Variants in ACOT12 observed in about 807,000 individuals in gnomAD.
ACOT12 encodes the protein acetyl-coenzyme A thioesterase.
Under a neutral mutation model 67.7 loss-of-function variants are expected in ACOT12, and 51 were observed. The ratio of observed to expected loss-of-function variants is 0.75; its 90% CI spans 0.60 to 0.95. The LOEUF is 0.95. Ranked by LOEUF, ACOT12 falls within the 40% of genes least tolerant of loss-of-function variation. The pLI is 0.00. For missense variants in ACOT12, 734 were observed against 708.1 expected, an observed-to-expected ratio of 1.04 and a Z score of -0.41; for synonymous variants, 251 against 244.6, an observed-to-expected ratio of 1.03 and a Z score of -0.24.
At chr5:81,385,622 T>C in intron 2 of ACOT12, 135 bp downstream of exon 2, 1 of 745,652 alleles carries the variant, frequency 1.3e-6, no homozygotes, top group Middle Eastern at 2.4e-4. Context: ...CTTACCTAAA[T>C]TGGGTCACAT....
intron 3 of ACOT12, among the ~76,000 whole-genome samples, chr5:81,364,104 C>T (rs1760001557): frequency 6.6e-6 from 1 of 151,892 alleles, no homozygotes; most frequent in Non-Finnish European, 1.5e-5. Flanking sequence ...TTTACCATGT[C>T]AAATTTATGG....
intron 10 of ACOT12, among the ~76,000 whole-genome samples, chr5:81,343,090 A>G (rs1190930053): frequency 2.0e-5 from 3 of 152,202 alleles, no homozygotes; most frequent in African/African-American, 2.4e-5. Context: ...CTGAGGCAGA[A>G]GAATCGCTTG....
chr5:81,381,000 GGTAA>G (rs1445698366), intron 2 of ACOT12, among the ~76,000 whole-genome samples: 6 of 152,022 alleles, frequency 3.9e-5, no homozygotes, highest in Non-Finnish European at 8.8e-5. Context: ...GTAACACAAT[GGTAA>G]GTATTTGTGT....
intron 8 of ACOT12, 120 bp downstream of exon 8, chr5:81,344,771 C>T: frequency 7.8e-7 from 1 of 1,275,384 alleles, no homozygotes; most frequent in Non-Finnish European, 1.1e-6. Context: ...CTTTGTGATG[C>T]TGAAAAGAGG....
chr5:81,311,165 C>A, the ACOT12 span: 1 of 1,604,716 alleles, frequency 6.2e-7, no homozygotes, highest in Non-Finnish European at 8.5e-7. Context: ...GTTAAAAACC[C>A]CTTGCAAGTA....
the ACOT12 span, chr5:81,309,288 C>T: frequency 5.6e-6 from 2 of 354,208 alleles, no homozygotes; most frequent in African/African-American, 2.1e-5. Flanking sequence ...ATTTGTGAGA[C>T]TATGTCATAC....
chr5:81,318,860 A>C, the ACOT12 span, among the ~76,000 whole-genome samples: 1 of 152,342 alleles, frequency 6.6e-6, no homozygotes, highest in African/African-American at 2.4e-5. Flanking sequence ...GGCAAGCTTT[A>C]GAAAGAGGCT....
At chr5:81,362,662 G>C (rs1759952929) in intron 4 of ACOT12, among the ~76,000 whole-genome samples, 1 of 152,098 alleles carries the variant, frequency 6.6e-6, no homozygotes, top group African/African-American at 2.4e-5. Flanking sequence ...CTGGAGATTT[G>C]TGGGGATGCC....
chr5:81,374,648 T>G (rs1760353836), intron 2 of ACOT12, among the ~76,000 whole-genome samples: 1 of 152,008 alleles, frequency 6.6e-6, no homozygotes, highest in East Asian at 1.9e-4. Context: ...GGAACATAAA[T>G]GACCTGATGG....
At position 81,330,875 on chromosome 5, in the gene ACOT12, A is replaced by G; in HGVS notation, c.1457T>C (p.Ile486Thr). 4 of 1,614,038 alleles carry G rather than the reference A, an allele frequency of 2.5e-6. No homozygotes were observed. The highest frequency in any genetic ancestry group is 3.4e-6 in the Non-Finnish European group (4 of 1,179,950). Residue 486 changes from isoleucine (I) to threonine (T), a missense_variant, in exon 14 of 15, where the codon ATC (isoleucine) becomes ACC (threonine). Coordinates refer to ENST00000307624, the MANE Select transcript of ACOT12 (RefSeq NM_130767.3). ...TCCGGCACATATGATTTCACTTCTG[A>G]TGTACTGTGGAGACGGGGGGACCGA... ...LPSVPPSPQY[I>T]RSEIICAGFL...
At chr5:81,337,486 G>A (rs1759042535) in intron 11 of ACOT12, among the ~76,000 whole-genome samples, 1 of 152,182 alleles carries the variant, frequency 6.6e-6, no homozygotes, top group Non-Finnish European at 1.5e-5. Flanking sequence ...TAGTCAAGAT[G>A]AGGTTGTGCT....
intron 5 of ACOT12, among the ~76,000 whole-genome samples, chr5:81,359,465 A>G (rs1759833484): frequency 6.6e-6 from 1 of 152,152 alleles, no homozygotes; most frequent in Admixed American, 6.5e-5. Context: ...CATACCCCAT[A>G]TGATCTTTAG....
At chr5:81,322,794 G>A in the ACOT12 span, among the ~76,000 whole-genome samples, 2 of 152,242 alleles carry the variant, frequency 1.3e-5, no homozygotes, top group African/African-American at 2.4e-5. Context: ...TCTTCACAGG[G>A]CAGAGGATGG....
intron 5 of ACOT12, among the ~76,000 whole-genome samples, chr5:81,356,174 T>TA (rs1759706758): frequency 2.0e-5 from 3 of 152,190 alleles, no homozygotes; most frequent in Admixed American, 2.0e-4. Context: ...TTCCTCTAAG[T>TA]AATTAAGGTC....
intron 1 of ACOT12, among the ~76,000 whole-genome samples, chr5:81,392,015 A>G (rs1268625274): frequency 2.0e-5 from 3 of 152,226 alleles, no homozygotes; most frequent in African/African-American, 7.2e-5. Flanking sequence ...CGTGTGAGAT[A>G]GAGGATTACT....
At chr5:81,361,177 G>A (rs1459815314) in intron 4 of ACOT12, among the ~76,000 whole-genome samples, 1 of 151,126 alleles carries the variant, frequency 6.6e-6, no homozygotes, top group Non-Finnish European at 1.5e-5. Context: ...GTGGAATTTG[G>A]TTAGGAATGT....
intron 5 of ACOT12, among the ~76,000 whole-genome samples, chr5:81,357,174 C>A (rs921523260): frequency 6.6e-6 from 1 of 152,132 alleles, no homozygotes; most frequent in Non-Finnish European, 1.5e-5. Flanking sequence ...CCTCCTGCAG[C>A]GAGTCTCTCG....
intron 5 of ACOT12, among the ~76,000 whole-genome samples, chr5:81,358,722 G>C (rs1015409250): frequency 1.3e-4 from 20 of 152,082 alleles, no homozygotes; most frequent in Non-Finnish European, 2.2e-4. Context: ...GGTGGCACGC[G>C]CCTATAATCC....
At chr5:81,340,042 C>T (rs1486316269) in intron 11 of ACOT12, among the ~76,000 whole-genome samples, 3 of 143,046 alleles carry the variant, frequency 2.1e-5, no homozygotes, top group Non-Finnish European at 3.1e-5. Context: ...AAGTATGATT[C>T]TTTTTTTTTT....
Sources: allele counts gnomAD v4.1 joint callset (sites outside exome capture counted in the v4.1 genomes callset), GRCh38; gene constraint gnomAD v4.1.1; transcripts MANE v1.5; gene names NCBI Gene and HGNC (gene_info 2026-07-23, HGNC 2026-07-21).